The following CNTN1 variants were observed in gnomAD, a reference collection of about 807,000 sequenced individuals.
CNTN1 encodes contactin 1, also known as contactin-1.
Under a neutral mutation model 126.4 loss-of-function variants are expected in CNTN1, and 38 were observed. The observed-to-expected ratio is 0.30, with a 90% CI of 0.23 to 0.39. CNTN1 has a LOEUF of 0.39. Ranked by LOEUF, CNTN1 falls within the 10% of genes least tolerant of loss-of-function variation. CNTN1 has a pLI of 1.00. For missense variants in CNTN1, 1,009 were observed against 1,248.4 expected (o/e 0.81, Z 2.89); for synonymous variants, 413 against 422.6 (o/e 0.98, Z 0.28).
intron 14 of CNTN1, 129 bp downstream of exon 14, chr12:40,944,299 G>A: frequency 2.4e-6 from 2 of 817,266 alleles, no homozygotes; most frequent in Non-Finnish European, 2.0e-6. Flanking sequence ...AGGCAAAAAA[G>A]CTTTCTGTGG....
chr12:40,845,632 A>G (rs1942470888), intron 1 of CNTN1, among the ~76,000 whole-genome samples: 1 of 152,156 alleles, frequency 6.6e-6, no homozygotes, highest in Admixed American at 6.5e-5. Flanking sequence ...AGAGAGCTGG[A>G]AATTTCATTT....
intron 23 of CNTN1, among the ~76,000 whole-genome samples, chr12:41,035,462 G>A (rs548598360): frequency 1.3e-5 from 2 of 152,134 alleles, no homozygotes; most frequent in African/African-American, 4.8e-5. Context: ...CCATATGTCA[G>A]GCATTCTGCT....
At chr12:40,804,744 TA>T (rs1940780178) in intron 1 of CNTN1, among the ~76,000 whole-genome samples, 1 of 152,052 alleles carries the variant, frequency 6.6e-6, no homozygotes, top group African/African-American at 2.4e-5. Context: ...TATATTTTTT[TA>T]ATGTATAGGC....
At chr12:40,784,401 G>A (rs1422499986) in intron 1 of CNTN1, among the ~76,000 whole-genome samples, 2 of 152,038 alleles carry the variant, frequency 1.3e-5, no homozygotes, top group African/African-American at 4.8e-5. Flanking sequence ...TTATATACAG[G>A]CAATGCAATG....
In CNTN1 at chr12:40,981,077, A is replaced by ATTAATCAGACAGG; in HGVS notation, c.1963+12_1963+13insAATCAGACAGGTT. 1 of 1,611,660 alleles carries ATTAATCAGACAGG rather than the reference A, an allele frequency of 6.2e-7. No individual in the cohort carries two copies. Among genetic ancestry groups the ATTAATCAGACAGG allele is most frequent in the South Asian group, 1.1e-5 (1 of 90,978 alleles). Reference sequence around the variant, plus strand: ...AAAGATGCAAAGACAGGTGAGTTTTATTTGTCTGATTAATCCGTGCATGTT... The same window carrying ATTAATCAGACAGG: ...AAAGATGCAAAGACAGGTGAGTTTTATTAATCAGACAGGTTTGTCTGATTAATCCGTGCATGTT... On this transcript the variant is annotated intron_variant, in intron 16 of 23. Coordinates refer to ENST00000551295, the MANE Select transcript of CNTN1 (RefSeq NM_001843.4).
At chr12:40,840,612 A>ATT (rs35053630) in intron 1 of CNTN1, among the ~76,000 whole-genome samples, 6 of 151,798 alleles carry the variant, frequency 4.0e-5, no homozygotes, top group Non-Finnish European at 7.4e-5. Flanking sequence ...AGTCTCATCA[A>ATT]TTTTTTTTAA....
At chr12:40,959,661 T>A (rs887321142) in intron 15 of CNTN1, among the ~76,000 whole-genome samples, 2 of 152,110 alleles carry the variant, frequency 1.3e-5, no homozygotes, top group African/African-American at 4.8e-5. Context: ...TAAAGTTAAT[T>A]TATACATGTA....
chr12:40,790,958 C>A (rs996472526), intron 1 of CNTN1, among the ~76,000 whole-genome samples: 1 of 152,026 alleles, frequency 6.6e-6, no homozygotes, highest in African/African-American at 2.4e-5. Context: ...AGAATCCCTG[C>A]GTTTTAGTCT....
chr12:40,764,736 T>A (rs1328177877), intron 1 of CNTN1, among the ~76,000 whole-genome samples: 5 of 152,220 alleles, frequency 3.3e-5, no homozygotes, highest in Non-Finnish European at 5.9e-5. Flanking sequence ...ACTGTCTTGG[T>A]CAGAAGAAGG....
chr12:40,827,419 T>C (rs1017635011), intron 1 of CNTN1, among the ~76,000 whole-genome samples: 3 of 123,770 alleles, frequency 2.4e-5, no homozygotes, highest in Admixed American at 1.8e-4. Flanking sequence ...TTCAAATGAG[T>C]CCTGGTAAAA....
intron 1 of CNTN1, among the ~76,000 whole-genome samples, chr12:40,907,311 A>C (rs1944866411): frequency 6.6e-6 from 1 of 152,244 alleles, no homozygotes; most frequent in Admixed American, 6.5e-5. Flanking sequence ...GTTTAATAGC[A>C]TACAGGTCCA....
intron 1 of CNTN1, among the ~76,000 whole-genome samples, chr12:40,874,657 A>G (rs1943611244): frequency 6.6e-6 from 1 of 152,160 alleles, no homozygotes; most frequent in Admixed American, 6.6e-5. Context: ...TGCACTATTT[A>G]TGAATGAAAC....
intron 1 of CNTN1, among the ~76,000 whole-genome samples, chr12:40,734,139 T>A (rs867746578): frequency 6.6e-6 from 1 of 152,090 alleles, no homozygotes; most frequent in Non-Finnish European, 1.5e-5. Flanking sequence ...CTAATCATCC[T>A]CTGGCTGCTT....
intron 1 of CNTN1, among the ~76,000 whole-genome samples, chr12:40,759,610 C>T (rs1250240745): frequency 6.6e-6 from 1 of 151,708 alleles, no homozygotes; most frequent in African/African-American, 2.4e-5. Flanking sequence ...GGACCACAGG[C>T]ACCCACCATC....
At chr12:40,720,428 A>T (rs75278439) in intron 1 of CNTN1, among the ~76,000 whole-genome samples, 7 of 134,478 alleles carry the variant, frequency 5.2e-5, no homozygotes, top group Admixed American at 3.8e-4. Context: ...GTGTGTGTGT[A>T]TGTGTACACA....
chr12:40,743,712 A>C (rs1457412488), intron 1 of CNTN1, among the ~76,000 whole-genome samples: 1 of 152,014 alleles, frequency 6.6e-6, no homozygotes, highest in Admixed American at 6.6e-5. Flanking sequence ...GATAGATTGC[A>C]AAAATATTCT....
At chr12:41,033,909 G>C (rs1285602246) in intron 23 of CNTN1, among the ~76,000 whole-genome samples, 1 of 151,462 alleles carries the variant, frequency 6.6e-6, no homozygotes, top group South Asian at 2.1e-4. Context: ...AATTAGCCGG[G>C]CGTGGTGGCG....
At chr12:40,777,239 GT>G (rs537481140) in intron 1 of CNTN1, among the ~76,000 whole-genome samples, 1,576 of 144,426 alleles carry the variant, frequency 0.011, 27 homozygotes, top group African/African-American at 0.025. Context: ...TAATTACTAT[GT>G]TTTTTTTTTT....
intron 6 of CNTN1, among the ~76,000 whole-genome samples, chr12:40,925,578 CGTATATAT>C (rs1945626237): frequency 9.9e-6 from 1 of 100,580 alleles, no homozygotes; most frequent in Non-Finnish European, 2.1e-5. Flanking sequence ...TACGTATATA[CGTATATAT>C]ACATGTATAT....
Sources: gnomAD v4.1 joint callset for allele counts (sites outside exome capture counted in the v4.1 genomes callset) on GRCh38, gnomAD v4.1.1 for gene constraint, MANE v1.5 for transcripts, NCBI Gene and HGNC (gene_info 2026-07-23, HGNC 2026-07-21) for gene names.